KAZN: variants seen among roughly 807,000 people sequenced by gnomAD.
The protein encoded by KAZN is kazrin, periplakin interacting protein, also known as kazrin.
In KAZN, 40 loss-of-function variants were observed where a neutral mutation model predicts 87.4. That is an observed-to-expected ratio of 0.46 (90% confidence interval 0.36 to 0.60). The LOEUF (loss-of-function observed/expected upper bound fraction) is 0.60, where lower values mean the gene tolerates loss of function less well. Ranked by LOEUF, KAZN falls within the 20% of genes least tolerant of loss-of-function variation. KAZN has a pLI of 0.00. For missense variants in KAZN, 898 were observed against 1,073.9 expected (o/e 0.84, Z 2.29); for synonymous variants, 466 against 458.3 (o/e 1.02, Z -0.22).
At chr1:13,920,138 T>A (rs537965311) in intron 1 of KAZN, among the ~76,000 whole-genome samples, 37 of 150,600 alleles carry the variant, frequency 2.5e-4, no homozygotes, top group African/African-American at 9.1e-4. Context: ...TAGTCCCAGC[T>A]ACTTGGGAGG....
intron 2 of KAZN, among the ~76,000 whole-genome samples, chr1:14,306,455 G>C (rs1323002864): frequency 6.6e-6 from 1 of 152,164 alleles, no homozygotes; most frequent in African/African-American, 2.4e-5. Flanking sequence ...GGATGATTCA[G>C]TAGAAAGGAC....
chr1:14,366,376 G>C (rs1307835503), intron 2 of KAZN, among the ~76,000 whole-genome samples: 1 of 152,190 alleles, frequency 6.6e-6, no homozygotes, highest in Non-Finnish European at 1.5e-5. Context: ...CAAGTTTCCC[G>C]GGCAATTAAA....
At chr1:14,230,391 A>G (rs1167695265) in intron 2 of KAZN, among the ~76,000 whole-genome samples, 5 of 152,180 alleles carry the variant, frequency 3.3e-5, no homozygotes, top group Non-Finnish European at 5.9e-5. Flanking sequence ...TTATTTTACT[A>G]TTTTGCTGAA....
chr1:14,367,553 C>G (rs1660116883), intron 2 of KAZN, among the ~76,000 whole-genome samples: 2 of 152,088 alleles, frequency 1.3e-5, no homozygotes, highest in African/African-American at 4.8e-5. Context: ...GACCATGGTC[C>G]CAGGCTTGAG....
intron 2 of KAZN, among the ~76,000 whole-genome samples, chr1:14,327,273 G>A (rs1656503215): frequency 6.6e-6 from 1 of 152,086 alleles, no homozygotes; most frequent in African/African-American, 2.4e-5. Flanking sequence ...CTCTCCAATA[G>A]TGGAGAAAGG....
intron 1 of KAZN, among the ~76,000 whole-genome samples, chr1:14,813,063 C>T (rs1044436474): frequency 6.6e-6 from 1 of 152,112 alleles, no homozygotes; most frequent in African/African-American, 2.4e-5. Context: ...GGAGCTTATT[C>T]AGAGTTGGGT....
chr1:13,973,180 A>G (rs1387131528), intron 1 of KAZN, among the ~76,000 whole-genome samples: 2 of 152,128 alleles, frequency 1.3e-5, no homozygotes, highest in African/African-American at 4.8e-5. Flanking sequence ...ATTCCAGACG[A>G]TGTACTAAGT....
chr1:14,531,221 A>G (rs2148480784), intron 2 of KAZN, among the ~76,000 whole-genome samples: 1 of 152,334 alleles, frequency 6.6e-6, no homozygotes, highest in Middle Eastern at 3.4e-3. Context: ...ATTGTCACTT[A>G]TGGAAACTTC....
chr1:15,116,295 TTCCTCTCATG>T lies in KAZN; in HGVS notation c.*1661_*1670del, dbSNP rs1641840484. ...TGTGTTCTTCAACCTGGCAAATTGT[TTCCTCTCATG>T]GGGGAAGCCGAGCTCTGATGAACTT... On this transcript the variant is annotated 3_prime_UTR_variant, in exon 15 of 15. Transcript: ENST00000376030. 1 of 152,216 alleles carries T rather than the reference TTCCTCTCATG, an allele frequency of 6.6e-6. No individual in the cohort carries two copies. Among genetic ancestry groups the T allele is most frequent in the African/African-American group, 2.4e-5 (1 of 41,450 alleles). The allele number at this position is 152,216 out of a possible 1,614,324, so 9.4% of individuals were successfully genotyped here. A position where few individuals can be genotyped will look rare whatever the true frequency, so the allele number is the denominator to read the frequency against.
chr1:14,522,421 C>T (rs958787947), intron 2 of KAZN, among the ~76,000 whole-genome samples: 2 of 152,190 alleles, frequency 1.3e-5, no homozygotes, highest in African/African-American at 4.8e-5. Flanking sequence ...GTGCAGCTGC[C>T]TCTGCTCTCC....
intron 2 of KAZN, among the ~76,000 whole-genome samples, chr1:14,363,551 A>G (rs1001709995): frequency 5.3e-5 from 8 of 152,202 alleles, no homozygotes; most frequent in African/African-American, 1.9e-4. Flanking sequence ...TTTTCTCAGC[A>G]CTGTCTTAGT....
chr1:15,034,955 C>A, intron 3 of KAZN, 70 bp downstream of exon 3: 1 of 1,569,502 alleles, frequency 6.4e-7, no homozygotes, highest in South Asian at 1.1e-5. Context: ...TGGCTGGCCA[C>A]CTTCACAGGC....
At chr1:14,102,906 A>ATC (rs936363474) in intron 1 of KAZN, among the ~76,000 whole-genome samples, 1 of 140,040 alleles carries the variant, frequency 7.1e-6, no homozygotes, top group Non-Finnish European at 1.5e-5. Flanking sequence ...TTGAATACTA[A>ATC]TCTCTCTCTT....
rs1641152184 is a variant in KAZN at position 15,103,305 on chromosome 1, G to A, written c.1780-54G>A. 8 of 1,346,888 alleles carry A rather than the reference G, an allele frequency of 5.9e-6. No homozygotes were observed. In the Admixed American group the frequency reaches 9.9e-5, roughly 17 times the overall value. The allele number at this position is 1,346,888 out of a possible 1,614,324, so 83.4% of individuals were successfully genotyped here. On this transcript the variant is annotated intron_variant, in intron 11 of 14. Coordinates refer to ENST00000376030, the MANE Select transcript of KAZN (RefSeq NM_201628.3). Reference sequence around the variant, plus strand: ...GATGCGGGGCACCCCCACTCCACACGTGGCCTCTGCGTGTCCCCTTGTCCC... The same window carrying A: ...GATGCGGGGCACCCCCACTCCACACATGGCCTCTGCGTGTCCCCTTGTCCC...
chr1:14,127,835 C>T (rs1012876161), intron 1 of KAZN, among the ~76,000 whole-genome samples: 16 of 152,038 alleles, frequency 1.1e-4, no homozygotes, highest in African/African-American at 3.4e-4. Context: ...AGAGAGGAGA[C>T]GTGGGCACTT....
At chr1:14,956,159 G>C (rs1462841494) in intron 1 of KAZN, among the ~76,000 whole-genome samples, 1 of 152,130 alleles carries the variant, frequency 6.6e-6, no homozygotes, top group Non-Finnish European at 1.5e-5. Context: ...GTGACACGAG[G>C]CTTATGCAAA....
At chr1:14,065,362 C>T (rs1308364855) in intron 1 of KAZN, among the ~76,000 whole-genome samples, 1 of 152,068 alleles carries the variant, frequency 6.6e-6, no homozygotes, top group African/African-American at 2.4e-5. Context: ...CACATGAAAA[C>T]AAGACAAGAA....
chr1:14,415,621 AT>A (rs1445904823), intron 2 of KAZN, among the ~76,000 whole-genome samples: 4 of 152,166 alleles, frequency 2.6e-5, no homozygotes, highest in Non-Finnish European at 4.4e-5. Flanking sequence ...AAGAATGAGT[AT>A]GTGAATACCC....
intron 2 of KAZN, among the ~76,000 whole-genome samples, chr1:15,000,231 T>C (rs1668330366): frequency 6.7e-6 from 1 of 149,556 alleles, no homozygotes; most frequent in South Asian, 2.1e-4. Context: ...CCAGCAGCCA[T>C]GGGATGCAGG....
Sources: gnomAD v4.1 joint callset for allele counts (sites outside exome capture counted in the v4.1 genomes callset) on GRCh38, gnomAD v4.1.1 for gene constraint, MANE v1.5 for transcripts, NCBI Gene and HGNC (gene_info 2026-07-23, HGNC 2026-07-21) for gene names.